The following ARHGAP42 variants were observed in gnomAD, a reference collection of about 807,000 sequenced individuals.
The protein encoded by ARHGAP42 is Rho GTPase activating protein 42.
In ARHGAP42, 63 loss-of-function variants were observed where a neutral mutation model predicts 125.0. That is an observed-to-expected ratio of 0.50 (90% CI 0.41 to 0.62). The LOEUF (loss-of-function observed/expected upper bound fraction) is 0.62. Ranked by LOEUF, ARHGAP42 falls within the 20% of genes least tolerant of loss-of-function variation. ARHGAP42 has a pLI of 0.00. For synonymous variants in ARHGAP42, 339 were observed against 351.0 expected, an observed-to-expected ratio of 0.97 and a Z score of 0.38; for missense variants, 766 against 1,024.2, an observed-to-expected ratio of 0.75 and a Z score of 3.44.
At chr11:100,784,224 T>C (rs1298039962) in intron 2 of ARHGAP42, among the ~76,000 whole-genome samples, 2 of 152,204 alleles carry the variant, frequency 1.3e-5, no homozygotes, top group African/African-American at 4.8e-5. Flanking sequence ...AATAGTAGCA[T>C]CTTGGACTAA....
At chr11:100,963,239 C>T (rs1293307930) in intron 16 of ARHGAP42, among the ~76,000 whole-genome samples, 1 of 152,164 alleles carries the variant, frequency 6.6e-6, no homozygotes, top group Non-Finnish European at 1.5e-5. Context: ...GCAATGATCA[C>T]ATTTATGTCA....
intron 3 of ARHGAP42, among the ~76,000 whole-genome samples, chr11:100,824,642 A>G (rs1864474437): frequency 1.3e-5 from 2 of 152,312 alleles, no homozygotes; most frequent in South Asian, 4.1e-4. Context: ...GTAGGGCTCT[A>G]GCGGAGACTC....
At chr11:100,745,162 G>T (rs764030051) in intron 1 of ARHGAP42, among the ~76,000 whole-genome samples, 3 of 152,202 alleles carry the variant, frequency 2.0e-5, no homozygotes, top group Non-Finnish European at 4.4e-5. Flanking sequence ...ATTGAAAAAG[G>T]TTGCTTTACG....
intron 4 of ARHGAP42, among the ~76,000 whole-genome samples, chr11:100,898,699 A>G (rs932829523): frequency 6.6e-6 from 1 of 151,950 alleles, no homozygotes; most frequent in African/African-American, 2.4e-5. Flanking sequence ...CCTCTTTATC[A>G]TTTTTTATTG....
chr11:100,921,235 ATATATATATATTTTTTTTTTTTTTT>A (rs1867251632), intron 5 of ARHGAP42, among the ~76,000 whole-genome samples: 1 of 33,738 alleles, frequency 3.0e-5, no homozygotes, highest in East Asian at 1.1e-3. Flanking sequence ...ATATATATAT[ATATATATATATTTTTTTTTTTTTTT>A]TTTTTTTTTT....
chr11:100,719,608 A>C (rs772196493), intron 1 of ARHGAP42, among the ~76,000 whole-genome samples: 7 of 152,104 alleles, frequency 4.6e-5, no homozygotes, highest in Non-Finnish European at 7.4e-5. Flanking sequence ...TCTACTCACT[A>C]ACTCACAGGT....
At chr11:100,860,583 C>G (rs752279628) in intron 4 of ARHGAP42, among the ~76,000 whole-genome samples, 21 of 152,076 alleles carry the variant, frequency 1.4e-4, no homozygotes, top group Non-Finnish European at 2.1e-4. Flanking sequence ...CTAATCATGT[C>G]TTTGCCCAAA....
At position 100,952,733 on chromosome 11, in the gene ARHGAP42, G is replaced by T. The variant is rs1857696776; in HGVS notation, c.1162+2777G>T. ...GGTATTACTAATTCACCTAAGTCAG[G>T]CTTTTTTTTTTTGAGATGGAGTCTC... is the stretch of plus-strand genomic sequence containing the variant. On this transcript the variant is annotated intron_variant, in intron 12 of 23. Coordinates refer to ENST00000298815, the MANE Select transcript of ARHGAP42 (RefSeq NM_152432.4). Among the ~76,000 whole-genome samples, 2 of 21,322 alleles carry T rather than the reference G, an allele frequency of 9.4e-5. 1 individual carries two copies. The highest frequency in any genetic ancestry group is 1.8e-4 in the Non-Finnish European group (2 of 11,196). 14.0% of individuals were successfully genotyped at this position (21,322 alleles called of 152,430 possible).
intron 3 of ARHGAP42, among the ~76,000 whole-genome samples, chr11:100,841,699 G>T (rs569753728): frequency 6.6e-6 from 1 of 151,842 alleles, no homozygotes; most frequent in Non-Finnish European, 1.5e-5. Context: ...TATGTCTTAC[G>T]GCATTGGCAC....
chr11:100,719,849 G>C (rs1468369203), intron 1 of ARHGAP42, among the ~76,000 whole-genome samples: 1 of 152,202 alleles, frequency 6.6e-6, no homozygotes, highest in Non-Finnish European at 1.5e-5. Flanking sequence ...CTTGAAAAGA[G>C]AGAAGAAGCA....
chr11:100,894,337 C>T (rs1443151440), intron 4 of ARHGAP42, among the ~76,000 whole-genome samples: 1 of 152,142 alleles, frequency 6.6e-6, no homozygotes, highest in African/African-American at 2.4e-5. Flanking sequence ...ACTTGACTTA[C>T]AGACTGCATT....
At chr11:100,936,949 C>T (rs1039062534) in intron 8 of ARHGAP42, among the ~76,000 whole-genome samples, 1 of 152,228 alleles carries the variant, frequency 6.6e-6, no homozygotes, top group Non-Finnish European at 1.5e-5. Context: ...ATTTTGACTA[C>T]ATTCACGCTT....
intron 2 of ARHGAP42, among the ~76,000 whole-genome samples, chr11:100,776,654 T>C (rs1863131818): frequency 6.6e-6 from 1 of 152,156 alleles, no homozygotes; most frequent in Admixed American, 6.5e-5. Flanking sequence ...AATGCAGATA[T>C]GCAGACATAG....
At chr11:100,987,076 T>G (rs1858697119) in intron 22 of ARHGAP42, among the ~76,000 whole-genome samples, 1 of 152,178 alleles carries the variant, frequency 6.6e-6, no homozygotes, top group African/African-American at 2.4e-5. Context: ...ACTTAGCATA[T>G]TCTTTAAGCC....
chr11:100,924,621 C>T (rs12419214), intron 6 of ARHGAP42, among the ~76,000 whole-genome samples: 6,983 of 151,850 alleles, frequency 0.046, 320 homozygotes, highest in East Asian at 0.25. Flanking sequence ...GATCCGAAAT[C>T]GCGCCGCTGG....
At position 100,807,282 on chromosome 11, in the gene ARHGAP42, G is replaced by A. The variant is rs996926181; in HGVS notation, c.312+12116G>A. Reference sequence around the variant, plus strand: ...ACGATCTCGGCTCACTGCAACTTCCGCCCCCCAGGTTCAAGAGATTCTCCT... The same window carrying A: ...ACGATCTCGGCTCACTGCAACTTCCACCCCCCAGGTTCAAGAGATTCTCCT... On this transcript the variant is annotated intron_variant, in intron 3 of 23. Transcript: ENST00000298815. Among the ~76,000 whole-genome samples the A allele has an allele frequency of 2.7e-5, 4 of 150,908 alleles. No homozygotes were observed. In the East Asian group the frequency reaches 7.8e-4, roughly 29 times the overall value.
At chr11:100,910,417 C>T (rs998064373) in intron 4 of ARHGAP42, among the ~76,000 whole-genome samples, 6 of 152,094 alleles carry the variant, frequency 3.9e-5, no homozygotes, top group African/African-American at 4.8e-5. Context: ...TTGAAATGCA[C>T]ATACTGTGGA....
At chr11:100,811,973 G>T (rs566606973) in intron 3 of ARHGAP42, among the ~76,000 whole-genome samples, 72 of 151,766 alleles carry the variant, frequency 4.7e-4, no homozygotes, top group Middle Eastern at 3.4e-3. Context: ...TATTTTTATT[G>T]CTTTTCATAG....
intron 3 of ARHGAP42, among the ~76,000 whole-genome samples, chr11:100,838,829 G>A (rs1481186496): frequency 6.6e-6 from 1 of 152,018 alleles, no homozygotes; most frequent in African/African-American, 2.4e-5. Flanking sequence ...CATTGACAGG[G>A]GCAAAAATAT....
Sources: allele counts gnomAD v4.1 joint callset (sites outside exome capture counted in the v4.1 genomes callset), GRCh38; gene constraint gnomAD v4.1.1; transcripts MANE v1.5; gene names NCBI Gene and HGNC (gene_info 2026-07-23, HGNC 2026-07-21).